The following ARHGAP26 variants were observed in gnomAD, a reference collection of about 807,000 sequenced individuals.
ARHGAP26 encodes the protein Rho GTPase activating protein 26, also known as rho GTPase-activating protein 26.
ARHGAP26 carries 38 observed loss-of-function variants against 104.8 expected under a neutral mutation model. The observed-to-expected ratio is 0.36, with a 90% confidence interval of 0.28 to 0.48. The LOEUF is 0.48. Ranked by LOEUF, ARHGAP26 falls within the 20% of genes least tolerant of loss-of-function variation. ARHGAP26 has a pLI of 0.99. For missense variants in ARHGAP26, 704 were observed against 947.9 expected, an observed-to-expected ratio of 0.74 and a Z score of 3.38; for synonymous variants, 341 against 340.0, an observed-to-expected ratio of 1.00 and a Z score of -0.03.
intron 22 of ARHGAP26, among the ~76,000 whole-genome samples, chr5:143,214,606 A>T (rs1278571847): frequency 6.6e-6 from 1 of 152,112 alleles, no homozygotes; most frequent in East Asian, 1.9e-4. Context: ...GCATCTGTAA[A>T]CACATTCCAG....
Position 143,227,480 on chromosome 5 carries a change from C to A in ARHGAP26, c.*5034C>A, listed in dbSNP as rs983352840. 2 of 231,166 alleles carry A rather than the reference C, an allele frequency of 8.7e-6. No individual in the cohort carries two copies. Among genetic ancestry groups the A allele is most frequent in the Middle Eastern group, 2.6e-3 (2 of 774 alleles). The allele number at this position is 231,166 out of a possible 1,614,324, so 14.3% of individuals were successfully genotyped here. A position where few individuals can be genotyped will look rare whatever the true frequency, so the allele number is the denominator to read the frequency against. On this transcript the variant is annotated 3_prime_UTR_variant, in exon 23 of 23. Coordinates refer to ENST00000645722, the MANE Select transcript of ARHGAP26 (RefSeq NM_001135608.3). ...AAATGTGTTTGGCAGCCACACCGAT[C>A]GGCTGGGTGCTGAACCGCCTCTCTG...
At chr5:142,865,439 C>T (rs1018949275) in intron 1 of ARHGAP26, among the ~76,000 whole-genome samples, 6 of 148,700 alleles carry the variant, frequency 4.0e-5, no homozygotes, top group Non-Finnish European at 5.9e-5. Flanking sequence ...ATGTATAAGT[C>T]GTAGTGGGCC....
Position 143,162,281 on chromosome 5 carries a change from A to G in ARHGAP26, c.1988+14900A>G, listed in dbSNP as rs1009396221. ...ACAGACACTCTACTCCCAAACACAC[A>G]CATACACACACACACACACACACAC... On this transcript the variant is annotated intron_variant, in intron 20 of 22. Transcript: ENST00000645722. 3.1e-5 allele frequency among the ~76,000 whole-genome samples: 3 copies of G among 96,528 alleles called. No homozygotes were observed. In the East Asian group the frequency reaches 8.9e-4, roughly 29 times the overall value. 63.3% of individuals were successfully genotyped at this position (96,528 alleles called of 152,430 possible). A position where few individuals can be genotyped will look rare whatever the true frequency, so the allele number is the denominator to read the frequency against.
chr5:142,830,141 T>C (rs895897672), intron 1 of ARHGAP26, among the ~76,000 whole-genome samples: 2 of 152,246 alleles, frequency 1.3e-5, no homozygotes, highest in Admixed American at 6.5e-5. Flanking sequence ...ATGTTATTCA[T>C]GTTCAATAAA....
At chr5:143,141,246 A>G (rs1599199758) in intron 19 of ARHGAP26, among the ~76,000 whole-genome samples, 1 of 152,204 alleles carries the variant, frequency 6.6e-6, no homozygotes, top group Non-Finnish European at 1.5e-5. Context: ...TTCCAGCTAG[A>G]CCCATTAAAT....
At chr5:143,081,463 T>C (rs1160506827) in intron 17 of ARHGAP26, among the ~76,000 whole-genome samples, 1 of 152,234 alleles carries the variant, frequency 6.6e-6, no homozygotes, top group Non-Finnish European at 1.5e-5. Flanking sequence ...TTTCCATTGA[T>C]GTAATTGGAA....
chr5:143,144,913 T>G (rs1179242183), intron 19 of ARHGAP26, among the ~76,000 whole-genome samples: 1 of 152,264 alleles, frequency 6.6e-6, no homozygotes, highest in Non-Finnish European at 1.5e-5. Context: ...AGTCTCATTA[T>G]GTGTTGTCTA....
chr5:142,969,638 T>A (rs1453560465), intron 11 of ARHGAP26, among the ~76,000 whole-genome samples: 1 of 152,228 alleles, frequency 6.6e-6, no homozygotes, highest in Non-Finnish European at 1.5e-5. Context: ...AATGAAATAT[T>A]AGAAATGCTT....
chr5:142,870,990 T>C (rs1165450755), intron 1 of ARHGAP26, among the ~76,000 whole-genome samples: 1 of 152,224 alleles, frequency 6.6e-6, no homozygotes, highest in East Asian at 1.9e-4. Flanking sequence ...GAAAAATTCC[T>C]CTATCAAGCC....
intron 20 of ARHGAP26, chr5:143,147,618 C>T (rs1799322487): frequency 4.1e-6 from 2 of 485,596 alleles, no homozygotes; most frequent in Non-Finnish European, 7.2e-6. Context: ...GATTTACTGT[C>T]CTGCTGAGAT....
intron 11 of ARHGAP26, among the ~76,000 whole-genome samples, chr5:142,959,128 C>T (rs896979804): frequency 1.3e-5 from 2 of 152,154 alleles, no homozygotes; most frequent in Non-Finnish European, 2.9e-5. Flanking sequence ...GCTGGTAGCA[C>T]AGTCTGAACC....
chr5:142,897,160 A>T (rs1313434666), intron 6 of ARHGAP26, among the ~76,000 whole-genome samples: 1 of 152,192 alleles, frequency 6.6e-6, no homozygotes, highest in Admixed American at 6.5e-5. Flanking sequence ...CAGTTCAGTG[A>T]CAGCTTGGAC....
intron 1 of ARHGAP26, among the ~76,000 whole-genome samples, chr5:142,825,196 T>C (rs1308982411): frequency 6.6e-6 from 1 of 152,216 alleles, no homozygotes; most frequent in African/African-American, 2.4e-5. Flanking sequence ...AGGTTATGTA[T>C]TGAAAGTGCT....
chr5:142,883,882 C>T (rs894450048), intron 4 of ARHGAP26, among the ~76,000 whole-genome samples: 2 of 152,188 alleles, frequency 1.3e-5, no homozygotes, highest in Admixed American at 6.5e-5. Context: ...ACATTTCTAC[C>T]GTGAGGGTTG....
chr5:142,797,920 T>C (rs558083156), intron 1 of ARHGAP26, among the ~76,000 whole-genome samples: 2 of 152,334 alleles, frequency 1.3e-5, no homozygotes, highest in African/African-American at 4.8e-5. Flanking sequence ...CAAGCTCCAG[T>C]TGATGTTCAT....
At chr5:142,992,280 A>T (rs981148588) in intron 11 of ARHGAP26, among the ~76,000 whole-genome samples, 3 of 152,090 alleles carry the variant, frequency 2.0e-5, no homozygotes, top group African/African-American at 7.2e-5. Context: ...TGGCATCAAG[A>T]TGTAAGGTGA....
At chr5:143,206,652 G>A (rs981110205) in intron 20 of ARHGAP26, among the ~76,000 whole-genome samples, 1 of 152,120 alleles carries the variant, frequency 6.6e-6, no homozygotes, top group Non-Finnish European at 1.5e-5. Flanking sequence ...CACCTCCATC[G>A]GCTATCACCT....
chr5:142,976,624 T>A (rs544994915), intron 11 of ARHGAP26, among the ~76,000 whole-genome samples: 1 of 152,262 alleles, frequency 6.6e-6, no homozygotes, highest in East Asian at 1.9e-4. Context: ...AAATGCAACG[T>A]TCATAAGATA....
intron 1 of ARHGAP26, among the ~76,000 whole-genome samples, chr5:142,774,888 C>G (rs1235473371): frequency 2.0e-5 from 3 of 151,974 alleles, no homozygotes; most frequent in African/African-American, 4.8e-5. Context: ...ACTGAAGGTT[C>G]TTTCATGTCC....
Sources: allele counts gnomAD v4.1 joint callset (sites outside exome capture counted in the v4.1 genomes callset), GRCh38; gene constraint gnomAD v4.1.1; transcripts MANE v1.5; gene names NCBI Gene and HGNC (gene_info 2026-07-23, HGNC 2026-07-21).